The following GRK7 variants were observed in gnomAD, a reference collection of about 807,000 sequenced individuals.
GRK7 encodes rhodopsin kinase GRK7.
Under a neutral mutation model 34.1 loss-of-function variants are expected in GRK7, and 24 were observed. The observed-to-expected ratio is 0.70, with a 90% confidence interval of 0.51 to 0.99. The LOEUF (loss-of-function observed/expected upper bound fraction) is 0.99, where lower values mean the gene tolerates loss of function less well. GRK7 is among the 50% of genes least tolerant of loss of function. The probability of loss-of-function intolerance (pLI) is 0.00; values close to 1 mark genes in which losing one functional copy is unlikely to be tolerated. For missense variants in GRK7, 644 were observed against 707.3 expected, an observed-to-expected ratio of 0.91 and a Z score of 1.02; for synonymous variants, 256 against 279.4, an observed-to-expected ratio of 0.92 and a Z score of 0.84.
chr3:141,788,633 C>T (rs1436185955), intron 4 of GRK7, among the ~76,000 whole-genome samples: 2 of 152,144 alleles, frequency 1.3e-5, no homozygotes, highest in Non-Finnish European at 2.9e-5. Context: ...AGGAGCAGGT[C>T]TGCCCAGGTT....
At position 141,812,955 on chromosome 3, in the gene GRK7, A is replaced by T. The variant is rs149658089; in HGVS notation, c.1326-3759A>T. ...CACCTAGTCCCATTCCAATGCCTTC[A>T]TTCTCTTTGAGACATGCAGGTCTGG... On this transcript the variant is annotated intron_variant, in intron 5 of 5. Coordinates refer to ENST00000682958, the MANE Select transcript of GRK7 (RefSeq NM_139209.3). Among the ~76,000 whole-genome samples, 547 of 152,300 alleles carry T rather than the reference A, an allele frequency of 3.6e-3. 3 individuals are homozygous for T. The highest frequency in any genetic ancestry group is 0.031 in the Middle Eastern group (9 of 294).
intron 1 of GRK7, among the ~76,000 whole-genome samples, chr3:141,771,716 G>T (rs1322230687): frequency 6.6e-6 from 1 of 151,640 alleles, no homozygotes; most frequent in East Asian, 1.9e-4. Context: ...ACTGAGTGTT[G>T]CTTTGTCACC....
rs1445216314 is a variant in GRK7 at position 141,763,947 on chromosome 3, C to T, written c.-2006C>T. On this transcript the variant is annotated 5_prime_UTR_variant, in exon 1 of 6. Coordinates refer to ENST00000682958, the MANE Select transcript of GRK7 (RefSeq NM_139209.3). ...GGACACTGTTTCTTCTGCAACACTTCTGCTCCCCTCATCCAACTGGACCTG... is the reference window on the plus strand; with the variant it reads ...GGACACTGTTTCTTCTGCAACACTTTTGCTCCCCTCATCCAACTGGACCTG... 6.6e-6 allele frequency among the ~76,000 whole-genome samples: 1 copy of T among 152,164 alleles called. No homozygotes were observed. The highest frequency in any genetic ancestry group is 6.5e-5 in the Admixed American group (1 of 15,272).
chr3:141,792,486 A>G (rs73226671), intron 4 of GRK7, among the ~76,000 whole-genome samples: 1,738 of 152,260 alleles, frequency 0.011, 16 homozygotes, highest in Non-Finnish European at 0.018. Context: ...AAGACATGGT[A>G]CATTGGGCTC....
At chr3:141,803,517 C>T (rs749491948) in intron 4 of GRK7, among the ~76,000 whole-genome samples, 2 of 152,146 alleles carry the variant, frequency 1.3e-5, no homozygotes, top group Non-Finnish European at 2.9e-5. Context: ...AAAGAAATCC[C>T]ATATCCTTCA....
At chr3:141,773,709 C>T (rs925632428) in intron 1 of GRK7, among the ~76,000 whole-genome samples, 14 of 152,230 alleles carry the variant, frequency 9.2e-5, no homozygotes, top group Admixed American at 2.6e-4. Flanking sequence ...CCACCGCGCC[C>T]GGCCTGATGG....
At chr3:141,770,587 G>T (rs1277239216) in intron 1 of GRK7, among the ~76,000 whole-genome samples, 2 of 151,342 alleles carry the variant, frequency 1.3e-5, no homozygotes, top group Non-Finnish European at 2.9e-5. Flanking sequence ...AGACACCTTT[G>T]CTGTGGAAGG....
intron 4 of GRK7, among the ~76,000 whole-genome samples, chr3:141,800,405 A>C (rs1029604728): frequency 2.4e-4 from 30 of 124,366 alleles, no homozygotes; most frequent in Non-Finnish European, 1.4e-4. Context: ...AAAAAAAAAA[A>C]CTCTTCAAAA....
At chr3:141,771,922 T>G (rs2107873069) in intron 1 of GRK7, among the ~76,000 whole-genome samples, 1 of 150,246 alleles carries the variant, frequency 6.7e-6, no homozygotes, top group East Asian at 2.0e-4. Flanking sequence ...TGACCTCAGG[T>G]GATCCACCCG....
chr3:141,813,916 A>G (rs1711121143), intron 5 of GRK7, among the ~76,000 whole-genome samples: 1 of 152,204 alleles, frequency 6.6e-6, no homozygotes. Context: ...ATATAAGTGA[A>G]GAGCTGAATG....
intron 4 of GRK7, among the ~76,000 whole-genome samples, chr3:141,801,319 A>T (rs1290631325): frequency 6.7e-6 from 1 of 148,820 alleles, no homozygotes; most frequent in African/African-American, 2.5e-5. Context: ...TCAAAAAAAA[A>T]AAAAAAAAAA....
At chr3:141,754,641 G>T in the GRK7 span, among the ~76,000 whole-genome samples, 3 of 151,938 alleles carry the variant, frequency 2.0e-5, no homozygotes, top group African/African-American at 7.3e-5. Flanking sequence ...TATGTCACCT[G>T]GGAAAAATCA....
intron 4 of GRK7, among the ~76,000 whole-genome samples, chr3:141,786,415 A>C (rs547947203): frequency 6.6e-6 from 1 of 152,266 alleles, no homozygotes; most frequent in East Asian, 1.9e-4. Context: ...AAGACCCGTG[A>C]GTATGATGAG....
intron 2 of GRK7, among the ~76,000 whole-genome samples, chr3:141,775,656 C>T (rs557147302): frequency 2.0e-5 from 3 of 152,054 alleles, no homozygotes; most frequent in African/African-American, 7.2e-5. Flanking sequence ...CCAGATTCTG[C>T]GAACTCAGGA....
At chr3:141,770,994 CAA>C (rs55988355) in intron 1 of GRK7, among the ~76,000 whole-genome samples, 1,510 of 84,798 alleles carry the variant, frequency 0.018, 6 homozygotes, top group Middle Eastern at 0.024. Flanking sequence ...TACCCAGTCT[CAA>C]AAAAAAAAAA....
rs773607331 is a variant in GRK7 at position 141,778,916 on chromosome 3, C to A, written c.612+20C>A. 1 of 1,590,882 alleles carries A rather than the reference C, an allele frequency of 6.3e-7. No individual in the cohort carries two copies. The highest frequency in any genetic ancestry group is 1.7e-4 in the Middle Eastern group (1 of 5,924). ...GGGGAGGTAAGTGTCTCCCAGTAGC[C>A]AGGCTAGAAGGTGAAGCATAGAGCA... On this transcript the variant is annotated intron_variant, in intron 3 of 5. Transcript: ENST00000682958. This position sits in a 1 kb window ranked among gnomAD's most constrained non-coding sequence, Gnocchi z 4.1.
chr3:141,812,680 T>A (rs1241403430), intron 5 of GRK7, among the ~76,000 whole-genome samples: 2 of 152,208 alleles, frequency 1.3e-5, no homozygotes, highest in Non-Finnish European at 2.9e-5. Flanking sequence ...AGGGCTGCAG[T>A]CAGCCACCCC....
At chr3:141,787,377 A>C (rs1405132324) in intron 4 of GRK7, among the ~76,000 whole-genome samples, 1 of 152,146 alleles carries the variant, frequency 6.6e-6, no homozygotes, top group Admixed American at 6.6e-5. Flanking sequence ...TAATCCCAGC[A>C]GTTTGGGAGG....
At chr3:141,803,298 G>A (rs1710989992) in intron 4 of GRK7, among the ~76,000 whole-genome samples, 1 of 150,542 alleles carries the variant, frequency 6.6e-6, no homozygotes, top group Non-Finnish European at 1.5e-5. Context: ...CAGGCGTGGT[G>A]GTGCACGCCT....
Sources: allele counts gnomAD v4.1 joint callset (sites outside exome capture counted in the v4.1 genomes callset), GRCh38; gene constraint gnomAD v4.1.1; non-coding constraint Gnocchi (gnomAD v3.1); transcripts MANE v1.5; gene names NCBI Gene and HGNC (gene_info 2026-07-23, HGNC 2026-07-21).